The following TMTC2 variants were observed in gnomAD, a reference collection of about 807,000 sequenced individuals.
TMTC2 encodes the protein protein O-mannosyl-transferase TMTC2.
Under a neutral mutation model 82.4 loss-of-function variants are expected in TMTC2, and 43 were observed. That is an observed-to-expected ratio of 0.52 (90% CI 0.41 to 0.67). The LOEUF (loss-of-function observed/expected upper bound fraction) is 0.67. Ranked by LOEUF, TMTC2 falls within the 30% of genes least tolerant of loss-of-function variation. The pLI is 0.00. For missense variants in TMTC2, 919 were observed against 1,012.4 expected, an observed-to-expected ratio of 0.91 and a Z score of 1.25; for synonymous variants, 408 against 381.9, an observed-to-expected ratio of 1.07 and a Z score of -0.80.
intron 8 of TMTC2, among the ~76,000 whole-genome samples, chr12:83,023,343 C>G (rs11115531): frequency 0.11 from 16,199 of 152,238 alleles, 1,387 homozygotes; most frequent in East Asian, 0.27. Flanking sequence ...GCCCTTTGCT[C>G]ATGTAACATA....
intron 1 of TMTC2, among the ~76,000 whole-genome samples, chr12:82,803,930 G>A (rs1416389397): frequency 6.6e-6 from 1 of 152,058 alleles, no homozygotes; most frequent in African/African-American, 2.4e-5. Context: ...TTGCCTCGGT[G>A]TCTTTTTCTG....
chr12:83,012,635 T>C (rs1447885492), intron 8 of TMTC2, among the ~76,000 whole-genome samples: 1 of 152,188 alleles, frequency 6.6e-6, no homozygotes, highest in Admixed American at 6.5e-5. Context: ...TATATATTCA[T>C]TTTTTATTCA....
intron 10 of TMTC2, among the ~76,000 whole-genome samples, chr12:83,059,864 A>G (rs1882678311): frequency 1.3e-5 from 2 of 151,728 alleles, no homozygotes; most frequent in Admixed American, 6.6e-5. Flanking sequence ...GCATCTATCT[A>G]TTGGTTGATC....
intron 11 of TMTC2, among the ~76,000 whole-genome samples, chr12:83,108,568 T>C (rs1351242623): frequency 6.6e-6 from 1 of 151,162 alleles, no homozygotes; most frequent in Non-Finnish European, 1.5e-5. Flanking sequence ...AGGTGGAGGT[T>C]GCAGTAAGCC....
At chr12:82,712,799 C>T (rs531606012) in intron 1 of TMTC2, among the ~76,000 whole-genome samples, 28 of 152,164 alleles carry the variant, frequency 1.8e-4, no homozygotes, top group Middle Eastern at 3.4e-3. Flanking sequence ...CTCTGGCAAA[C>T]CCTTGAATGA....
chr12:82,769,949 T>A (rs894556414), intron 1 of TMTC2, among the ~76,000 whole-genome samples: 1 of 152,186 alleles, frequency 6.6e-6, no homozygotes, highest in African/African-American at 2.4e-5. Context: ...TTTTGTTTTC[T>A]TTTAATATAG....
intron 1 of TMTC2, among the ~76,000 whole-genome samples, chr12:82,702,460 T>G (rs1297875602): frequency 6.6e-6 from 1 of 152,154 alleles, no homozygotes; most frequent in Non-Finnish European, 1.5e-5. Context: ...ATAAAACAAA[T>G]TCTGTTACTG....
chr12:82,809,337 T>C (rs933345034), intron 1 of TMTC2, among the ~76,000 whole-genome samples: 1 of 152,040 alleles, frequency 6.6e-6, no homozygotes, highest in Non-Finnish European at 1.5e-5. Flanking sequence ...TGGGAAGAGA[T>C]ACTAATAGCT....
At chr12:82,790,166 C>G (rs1169054841) in intron 1 of TMTC2, among the ~76,000 whole-genome samples, 1 of 144,004 alleles carries the variant, frequency 6.9e-6, no homozygotes, top group Non-Finnish European at 1.5e-5. Context: ...TGGGTGAGAC[C>G]TTGTCTCTTA....
At chr12:82,821,055 T>A (rs950195781) in intron 1 of TMTC2, among the ~76,000 whole-genome samples, 14 of 152,024 alleles carry the variant, frequency 9.2e-5, no homozygotes, top group Admixed American at 8.5e-4. Flanking sequence ...GGAAGAGTCT[T>A]GCGATGTTGT....
At chr12:82,937,709 T>C (rs1683134887) in intron 4 of TMTC2, among the ~76,000 whole-genome samples, 1 of 40,860 alleles carries the variant, frequency 2.4e-5, no homozygotes, top group African/African-American at 4.8e-5. Context: ...ATGGTGTGTG[T>C]GTGTGTGTGT....
chr12:82,722,566 C>CAAAA lies in TMTC2; in HGVS notation c.83+34920_83+34923dup, dbSNP rs772607761. Among the ~76,000 whole-genome samples the CAAAA allele has an allele frequency of 6.5e-4, 29 of 44,362 alleles. 1 individual carries two copies. The highest frequency in any genetic ancestry group is 3.1e-3 in the South Asian group (2 of 646). The allele number at this position is 44,362 out of a possible 152,430, so 29.1% of individuals were successfully genotyped here. ...TGGGCCACAGAGTGAGACTCCATCT[C>CAAAA]AAAAAAAAAAAAAAAAAAAAAAAAA... On this transcript the variant is annotated intron_variant, in intron 1 of 11. Transcript: ENST00000321196.
chr12:82,713,148 C>T (rs886902182), intron 1 of TMTC2, among the ~76,000 whole-genome samples: 4 of 152,104 alleles, frequency 2.6e-5, no homozygotes, highest in South Asian at 2.1e-4. Context: ...GGTGAAACCC[C>T]GTCTCTACTA....
At chr12:83,084,419 TTATTAAAAAC>T (rs1883579069) in intron 11 of TMTC2, among the ~76,000 whole-genome samples, 1 of 152,220 alleles carries the variant, frequency 6.6e-6, no homozygotes, top group Non-Finnish European at 1.5e-5. Context: ...CCCTCAGTTT[TTATTAAAAAC>T]TTGCCAGTCG....
At chr12:83,095,550 G>A (rs374475422) in intron 11 of TMTC2, among the ~76,000 whole-genome samples, 1 of 152,034 alleles carries the variant, frequency 6.6e-6, no homozygotes, top group South Asian at 2.1e-4. Context: ...ATGTTTTTTG[G>A]CCTGAGCAAC....
intron 1 of TMTC2, among the ~76,000 whole-genome samples, chr12:82,769,300 C>G (rs1877156419): frequency 6.6e-6 from 1 of 151,528 alleles, no homozygotes; most frequent in Non-Finnish European, 1.5e-5. Context: ...TAGTGAAACC[C>G]CTGTCTCTAC....
chr12:82,919,611 A>T (rs1875260166), intron 3 of TMTC2, among the ~76,000 whole-genome samples: 1 of 152,172 alleles, frequency 6.6e-6, no homozygotes, highest in Non-Finnish European at 1.5e-5. Context: ...ACATCAAAGC[A>T]AGTTATCTAC....
intron 11 of TMTC2, among the ~76,000 whole-genome samples, chr12:83,097,466 T>C (rs12304968): frequency 0.041 from 6,282 of 152,240 alleles, 447 homozygotes; most frequent in African/African-American, 0.14. Context: ...TGCACATTGT[T>C]GTACCATGGG....
At chr12:82,932,110 CT>C (rs1876068538) in intron 4 of TMTC2, among the ~76,000 whole-genome samples, 1 of 152,072 alleles carries the variant, frequency 6.6e-6, no homozygotes, top group South Asian at 2.1e-4. Flanking sequence ...TTAGCTGAAT[CT>C]TTTGTATTGG....
Sources: gnomAD v4.1 joint callset for allele counts (sites outside exome capture counted in the v4.1 genomes callset) on GRCh38, gnomAD v4.1.1 for gene constraint, MANE v1.5 for transcripts, NCBI Gene and HGNC (gene_info 2026-07-23, HGNC 2026-07-21) for gene names.